The following GPHN variants were observed in gnomAD, a reference collection of about 807,000 sequenced individuals.
GPHN encodes gephyrin.
In GPHN, 17 loss-of-function variants were observed where a neutral mutation model predicts 95.5. That is an observed-to-expected ratio of 0.18 (90% CI 0.12 to 0.27). GPHN has a LOEUF of 0.27. Ranked by LOEUF, GPHN falls within the 10% of genes least tolerant of loss-of-function variation. The pLI, the probability that GPHN is intolerant of heterozygous loss-of-function variation, is 1.00. For missense variants in GPHN, 660 were observed against 978.1 expected (o/e 0.67, Z 4.34); for synonymous variants, 320 against 322.5 (o/e 0.99, Z 0.08).
the GPHN span, chr14:67,579,242 G>C: frequency 9.9e-6 from 16 of 1,608,634 alleles, no homozygotes; most frequent in African/African-American, 1.2e-4. Context: ...TGTCCATCCT[G>C]CTGCGTAACC....
the GPHN span, among the ~76,000 whole-genome samples, chr14:67,314,166 C>G: frequency 5.1e-3 from 771 of 150,870 alleles, 3 homozygotes; most frequent in Non-Finnish European, 7.1e-3. Flanking sequence ...GATTTGACAA[C>G]AAGCAATAGT....
intron 1 of GPHN, among the ~76,000 whole-genome samples, chr14:66,594,641 T>C (rs537185222): frequency 6.6e-6 from 1 of 152,260 alleles, no homozygotes; most frequent in Non-Finnish European, 1.5e-5. Context: ...TAGACTCCCA[T>C]CTCACATCAT....
chr14:67,538,511 G>A, the GPHN span, among the ~76,000 whole-genome samples: 1 of 152,176 alleles, frequency 6.6e-6, no homozygotes, highest in Non-Finnish European at 1.5e-5. Context: ...GCATTTTTAT[G>A]GGAGGTATAA....
At chr14:67,691,766 G>T in the GPHN span, 1 of 155,548 alleles carries the variant, frequency 6.4e-6, no homozygotes, top group Non-Finnish European at 1.4e-5. Flanking sequence ...AGATCCCTGG[G>T]CTATAAGGGG....
At chr14:67,581,258 G>T in the GPHN span, among the ~76,000 whole-genome samples, 1 of 142,406 alleles carries the variant, frequency 7.0e-6, no homozygotes, top group Admixed American at 7.2e-5. Context: ...TATACTGCGT[G>T]TGCGTGTGTG....
chr14:67,204,717 A>C, the GPHN span: 1 of 1,613,982 alleles, frequency 6.2e-7, no homozygotes, highest in South Asian at 1.1e-5. Flanking sequence ...AGAAAGCCAA[A>C]GTTTCCAAAG....
At chr14:66,522,901 A>G (rs936955088) in intron 1 of GPHN, among the ~76,000 whole-genome samples, 1 of 152,070 alleles carries the variant, frequency 6.6e-6, no homozygotes, top group Admixed American at 6.5e-5. Flanking sequence ...TTCTGTTACC[A>G]CTATGTGGGG....
At chr14:66,547,930 G>A (rs957747449) in intron 1 of GPHN, among the ~76,000 whole-genome samples, 1 of 152,124 alleles carries the variant, frequency 6.6e-6, no homozygotes, top group Non-Finnish European at 1.5e-5. Context: ...TCCATCATAG[G>A]ATAGCAAGTA....
the GPHN span, chr14:67,677,823 C>CT: frequency 2.0e-5 from 3 of 153,064 alleles, no homozygotes; most frequent in Admixed American, 6.5e-5. Flanking sequence ...CCAGGCTGGT[C>CT]TTGAACTACT....
the GPHN span, chr14:67,615,715 T>C: frequency 4.0e-6 from 2 of 498,652 alleles, no homozygotes; most frequent in Non-Finnish European, 7.8e-6. Context: ...AATGAAAACA[T>C]ATATCCCTCC....
At chr14:67,227,938 G>A in the GPHN span, among the ~76,000 whole-genome samples, 1 of 152,182 alleles carries the variant, frequency 6.6e-6, no homozygotes, top group African/African-American at 2.4e-5. Context: ...TGGAGGCCAA[G>A]GCGGGTGGAT....
intron 3 of GPHN, among the ~76,000 whole-genome samples, chr14:66,804,555 T>G (rs532196546): frequency 2.0e-5 from 3 of 152,336 alleles, no homozygotes; most frequent in Non-Finnish European, 4.4e-5. Context: ...TTTTTAAGTT[T>G]AAATGTTTTA....
chr14:66,994,067 T>C (rs949851445), intron 9 of GPHN, among the ~76,000 whole-genome samples: 5 of 152,026 alleles, frequency 3.3e-5, no homozygotes, highest in South Asian at 2.1e-4. Flanking sequence ...GTTTCAGTTA[T>C]AAAAATAAGA....
the GPHN span, chr14:67,204,938 T>A: frequency 1.2e-6 from 2 of 1,612,228 alleles, no homozygotes; most frequent in Non-Finnish European, 1.7e-6. Context: ...GAAAATGAGG[T>A]CCCAGAGGTC....
At chr14:66,611,082 G>A (rs981154741) in intron 1 of GPHN, among the ~76,000 whole-genome samples, 4 of 152,132 alleles carry the variant, frequency 2.6e-5, no homozygotes, top group Non-Finnish European at 2.9e-5. Context: ...CAGTTATAAA[G>A]CCCTTCACAT....
chr14:67,011,708 T>G (rs528020262), intron 9 of GPHN, among the ~76,000 whole-genome samples: 4 of 152,182 alleles, frequency 2.6e-5, no homozygotes, highest in African/African-American at 9.6e-5. Flanking sequence ...CTCTTTCTGC[T>G]TATATTTATT....
chr14:67,360,163 C>T, the GPHN span: 1 of 406,770 alleles, frequency 2.5e-6, no homozygotes, highest in Non-Finnish European at 4.3e-6. Context: ...GTCTTTCTCG[C>T]GCCTTGAAGG....
At chr14:67,426,514 G>T in the GPHN span, among the ~76,000 whole-genome samples, 1 of 152,228 alleles carries the variant, frequency 6.6e-6, no homozygotes, top group Non-Finnish European at 1.5e-5. Context: ...AGCAGCAGCA[G>T]ACTGTGAAAT....
the GPHN span, among the ~76,000 whole-genome samples, chr14:67,458,209 A>T: frequency 6.6e-6 from 1 of 152,184 alleles, no homozygotes; most frequent in African/African-American, 2.4e-5. Context: ...GTACAGGGTG[A>T]CAGGGAAAGG....
Sources: allele counts gnomAD v4.1 joint callset (sites outside exome capture counted in the v4.1 genomes callset), GRCh38; gene constraint gnomAD v4.1.1; transcripts MANE v1.5; gene names NCBI Gene and HGNC (gene_info 2026-07-23, HGNC 2026-07-21).